The following RTL4 variants were observed in gnomAD, a reference collection of about 807,000 sequenced individuals.
RTL4 encodes retrotransposon Gag like 4, also known as retrotransposon Gag-like protein 4.
RTL4 carries 4 observed loss-of-function variants against 5.3 expected under a neutral mutation model. That is an observed-to-expected ratio of 0.75 (90% confidence interval 0.37 to 1.72). The LOEUF (loss-of-function observed/expected upper bound fraction) is 1.72. Ranked by LOEUF, RTL4 falls within the 40% of genes most tolerant of loss-of-function variation. RTL4 has a pLI of 0.04. For synonymous variants in RTL4, 98 were observed against 87.3 expected (o/e 1.12, Z -0.68); for missense variants, 260 against 227.1 (o/e 1.14, Z -0.93).
chrX:112,243,158 T>C, the RTL4 span, among the ~76,000 whole-genome samples: 1 of 111,440 alleles, frequency 9.0e-6, no homozygotes, highest in African/African-American at 3.3e-5. Flanking sequence ...TTCTCTTTTT[T>C]GTTGTTGTTG....
chrX:112,235,251 T>C, the RTL4 span, among the ~76,000 whole-genome samples: 1 of 111,808 alleles, frequency 8.9e-6, no homozygotes, highest in African/African-American at 3.3e-5. Flanking sequence ...GGCAAATAGC[T>C]ACCCTAGGCC....
At chrX:112,229,173 C>T in the RTL4 span, among the ~76,000 whole-genome samples, 2 of 112,028 alleles carry the variant, frequency 1.8e-5, no homozygotes, top group Admixed American at 1.9e-4. Flanking sequence ...AGGGGCTAAG[C>T]CATTGTCTTC....
the RTL4 span, among the ~76,000 whole-genome samples, chrX:112,092,268 G>C: frequency 9.0e-6 from 1 of 111,545 alleles, no homozygotes; most frequent in African/African-American, 3.3e-5. Context: ...TTGTCTATAT[G>C]TAAAATATTT....
the RTL4 span, among the ~76,000 whole-genome samples, chrX:112,106,572 A>C: frequency 8.9e-6 from 1 of 111,921 alleles, no homozygotes; most frequent in Non-Finnish European, 1.9e-5. Context: ...TGGTGGTTCT[A>C]TTTTTAGTTT....
the RTL4 span, among the ~76,000 whole-genome samples, chrX:112,414,958 C>A: frequency 1.8e-5 from 2 of 111,123 alleles, no homozygotes; most frequent in African/African-American, 6.5e-5. Context: ...TAGATTTTTC[C>A]GCACTAGCTA....
chrX:112,413,285 A>C, the RTL4 span, among the ~76,000 whole-genome samples: 1 of 111,646 alleles, frequency 9.0e-6, no homozygotes, highest in African/African-American at 3.3e-5. Context: ...ACTGTGGAGA[A>C]TAGTTTGGAA....
the RTL4 span, among the ~76,000 whole-genome samples, chrX:112,322,225 T>G: frequency 2.7e-5 from 3 of 111,524 alleles, no homozygotes; most frequent in East Asian, 8.4e-4. Flanking sequence ...TACAGGAAGT[T>G]TGTTATTACC....
the RTL4 span, among the ~76,000 whole-genome samples, chrX:112,355,089 A>T: frequency 1.8e-5 from 2 of 111,508 alleles, no homozygotes; most frequent in African/African-American, 6.5e-5. Flanking sequence ...CCTTTTCTTC[A>T]GCTGGGAAGA....
the RTL4 span, among the ~76,000 whole-genome samples, chrX:112,200,111 A>G: frequency 8.9e-6 from 1 of 112,132 alleles, no homozygotes; most frequent in African/African-American, 3.2e-5. Flanking sequence ...AGGAAGGAGT[A>G]AGTTTGTTGT....
chrX:112,158,739 T>G, the RTL4 span, among the ~76,000 whole-genome samples: 2 of 111,581 alleles, frequency 1.8e-5, no homozygotes, highest in Non-Finnish European at 1.9e-5. Flanking sequence ...GTAAATTGTT[T>G]GCAGTTTTTT....
At chrX:112,083,590 C>CCTCTG in the RTL4 span, among the ~76,000 whole-genome samples, 2 of 111,332 alleles carry the variant, frequency 1.8e-5, no homozygotes, top group African/African-American at 3.3e-5. Flanking sequence ...CAAGATCCAG[C>CCTCTG]CTAGATTGAT....
the RTL4 span, among the ~76,000 whole-genome samples, chrX:112,259,869 T>C: frequency 1.2e-4 from 14 of 112,062 alleles, no homozygotes; most frequent in East Asian, 4.0e-3. Context: ...AACACTTTCC[T>C]AATTACTGAG....
At chrX:112,185,171 G>A in the RTL4 span, among the ~76,000 whole-genome samples, 26 of 109,749 alleles carry the variant, frequency 2.4e-4, no homozygotes, top group African/African-American at 6.3e-4. Flanking sequence ...CCAATCTAGT[G>A]TACTTTATAC....
At chrX:112,256,449 G>A in the RTL4 span, among the ~76,000 whole-genome samples, 6 of 111,852 alleles carry the variant, frequency 5.4e-5, no homozygotes, top group South Asian at 1.8e-3. Flanking sequence ...CATAATATAC[G>A]CTCTAAGAGG....
the RTL4 span, among the ~76,000 whole-genome samples, chrX:112,337,826 T>A: frequency 4.9e-3 from 548 of 111,283 alleles, 4 homozygotes; most frequent in African/African-American, 0.015. Flanking sequence ...CTGTAGTCCT[T>A]CAGTGCATGC....
the RTL4 span, among the ~76,000 whole-genome samples, chrX:112,177,437 G>A: frequency 1.8e-5 from 2 of 110,611 alleles, no homozygotes; most frequent in Non-Finnish European, 3.8e-5. Flanking sequence ...GTGACATTGA[G>A]TATTTTTTCA....
the RTL4 span, among the ~76,000 whole-genome samples, chrX:112,428,418 A>G: frequency 8.9e-6 from 1 of 111,832 alleles, no homozygotes; most frequent in Non-Finnish European, 1.9e-5. Flanking sequence ...TGACCCATGT[A>G]TTTTTTAGAA....
At chrX:112,276,601 C>G in the RTL4 span, among the ~76,000 whole-genome samples, 1 of 111,786 alleles carries the variant, frequency 8.9e-6, no homozygotes, top group Non-Finnish European at 1.9e-5. Flanking sequence ...TGGTCTTCTC[C>G]AAGTATGCTA....
chrX:112,279,955 G>T, the RTL4 span, among the ~76,000 whole-genome samples: 3 of 111,314 alleles, frequency 2.7e-5, no homozygotes, highest in Non-Finnish European at 3.8e-5. Flanking sequence ...GTAATCAAAG[G>T]TTACGATACT....
Sources: gnomAD v4.1 joint callset for allele counts (sites outside exome capture counted in the v4.1 genomes callset) on GRCh38, gnomAD v4.1.1 for gene constraint, MANE v1.5 for transcripts, NCBI Gene and HGNC (gene_info 2026-07-23, HGNC 2026-07-21) for gene names.